Variants in DPF3 observed in about 807,000 individuals in gnomAD.
The protein encoded by DPF3 is zinc finger protein DPF3.
A neutral mutation model predicts 56.8 loss-of-function variants in DPF3; 18 were observed. That is an observed-to-expected ratio of 0.32 (90% CI 0.22 to 0.47). The LOEUF (loss-of-function observed/expected upper bound fraction) is 0.47, where lower values mean the gene tolerates loss of function less well. Ranked by LOEUF, DPF3 falls within the 20% of genes least tolerant of loss-of-function variation. The pLI, the probability that DPF3 is intolerant of heterozygous loss-of-function variation, is 1.00. For synonymous variants in DPF3, 188 were observed against 180.2 expected, an observed-to-expected ratio of 1.04 and a Z score of -0.35; for missense variants, 403 against 488.8, an observed-to-expected ratio of 0.82 and a Z score of 1.65.
chr14:72,833,396 G>T (rs1884144957), intron 1 of DPF3, among the ~76,000 whole-genome samples: 1 of 152,208 alleles, frequency 6.6e-6, no homozygotes, highest in Non-Finnish European at 1.5e-5. Flanking sequence ...TGAACGTGTT[G>T]AGGTCCTGGT....
At chr14:72,741,062 A>G (rs1219224984) in intron 3 of DPF3, among the ~76,000 whole-genome samples, 1 of 151,974 alleles carries the variant, frequency 6.6e-6, no homozygotes. Context: ...TAAATAAAAT[A>G]AAATGAATAG....
chr14:72,857,896 T>G (rs1455997090), intron 1 of DPF3, among the ~76,000 whole-genome samples: 1 of 151,842 alleles, frequency 6.6e-6, no homozygotes, highest in African/African-American at 2.4e-5. Flanking sequence ...CTGCAAGGAG[T>G]TCGTTATGCA....
intron 8 of DPF3, among the ~76,000 whole-genome samples, chr14:72,643,275 C>G (rs1053976774): frequency 6.6e-6 from 1 of 152,250 alleles, no homozygotes; most frequent in African/African-American, 2.4e-5. Flanking sequence ...CTGACTCTCT[C>G]CATGCCTCAG....
chr14:72,739,889 T>C (rs1179190179), intron 3 of DPF3, among the ~76,000 whole-genome samples: 2 of 152,240 alleles, frequency 1.3e-5, no homozygotes, highest in South Asian at 4.1e-4. Context: ...ATAGAATTTA[T>C]ATTCTAGCAA....
At chr14:72,695,739 A>G (rs1266969737) in intron 6 of DPF3, among the ~76,000 whole-genome samples, 1 of 152,132 alleles carries the variant, frequency 6.6e-6, no homozygotes, top group African/African-American at 2.4e-5. Flanking sequence ...AAACCTACCT[A>G]TTGGGTACTA....
chr14:72,665,099 G>T (rs1452293630), intron 8 of DPF3, among the ~76,000 whole-genome samples: 1 of 152,124 alleles, frequency 6.6e-6, no homozygotes, highest in African/African-American at 2.4e-5. Flanking sequence ...TCCATCTGGA[G>T]CTCTTTGTTG....
At chr14:72,819,740 C>G (rs1046349293) in intron 1 of DPF3, among the ~76,000 whole-genome samples, 1 of 151,912 alleles carries the variant, frequency 6.6e-6, no homozygotes, top group Non-Finnish European at 1.5e-5. Flanking sequence ...AGTTCAAGAC[C>G]AGCCTGGGCA....
At chr14:72,792,626 T>C (rs1325454060) in intron 1 of DPF3, among the ~76,000 whole-genome samples, 1 of 151,978 alleles carries the variant, frequency 6.6e-6, no homozygotes, top group African/African-American at 2.4e-5. Context: ...TGGCCAGCTC[T>C]CAGTCCCCAG....
intron 1 of DPF3, among the ~76,000 whole-genome samples, chr14:72,818,998 A>G (rs899969466): frequency 9.2e-5 from 14 of 152,362 alleles, no homozygotes; most frequent in African/African-American, 3.4e-4. Flanking sequence ...TCCAGAATAT[A>G]TAAAGAACTC....
chr14:72,746,794 G>A (rs893434352), intron 3 of DPF3, among the ~76,000 whole-genome samples: 1 of 152,250 alleles, frequency 6.6e-6, no homozygotes, highest in Non-Finnish European at 1.5e-5. Flanking sequence ...CTTGGGCAGA[G>A]GCTGAAGAAG....
At chr14:72,889,681 G>A (rs1665399117) in intron 1 of DPF3, among the ~76,000 whole-genome samples, 1 of 152,142 alleles carries the variant, frequency 6.6e-6, no homozygotes, top group Admixed American at 6.5e-5. Flanking sequence ...AACCACTTTA[G>A]ATTAGAATAC....
chr14:72,824,667 A>C (rs1462935380), intron 1 of DPF3, among the ~76,000 whole-genome samples: 1 of 150,964 alleles, frequency 6.6e-6, no homozygotes, highest in Admixed American at 6.6e-5. Flanking sequence ...TCCCGGGTTC[A>C]GTTCAAGCCC....
intron 1 of DPF3, among the ~76,000 whole-genome samples, chr14:72,887,154 C>G (rs1886579778): frequency 3.7e-5 from 1 of 27,254 alleles, no homozygotes; most frequent in African/African-American, 1.0e-4. Context: ...TGCCTCCAAA[C>G]ACACACACAC....
intron 9 of DPF3, among the ~76,000 whole-genome samples, chr14:72,621,552 C>G (rs1300641661): frequency 6.6e-6 from 1 of 152,154 alleles, no homozygotes; most frequent in Non-Finnish European, 1.5e-5. Context: ...AGTGGGGCAA[C>G]AGGAAAGCTT....
intron 1 of DPF3, among the ~76,000 whole-genome samples, chr14:72,863,027 A>G (rs1030282007): frequency 2.7e-5 from 4 of 149,194 alleles, no homozygotes; most frequent in Middle Eastern, 3.6e-3. Flanking sequence ...AGGAAAAATT[A>G]CAGAATCTCC....
intron 6 of DPF3, among the ~76,000 whole-genome samples, chr14:72,697,179 C>T (rs1311698126): frequency 1.3e-5 from 2 of 152,212 alleles, no homozygotes; most frequent in Non-Finnish European, 2.9e-5. Context: ...TGTACCATGT[C>T]ATTCTTCTAT....
At chr14:72,659,786 G>T (rs4903042) in intron 8 of DPF3, among the ~76,000 whole-genome samples, 5,510 of 152,216 alleles carry the variant, frequency 0.036, 259 homozygotes, top group African/African-American at 0.087. Flanking sequence ...AATAAATATG[G>T]GAAACTTCAT....
chr14:72,643,569 C>A (rs971538332), intron 8 of DPF3, among the ~76,000 whole-genome samples: 4 of 152,230 alleles, frequency 2.6e-5, no homozygotes, highest in Admixed American at 2.0e-4. Flanking sequence ...GACAGAAGCT[C>A]CTCAGCCCCT....
Position 72,618,176 on chromosome 14 carries a change from T to C in DPF3, c.*1121A>G, listed in dbSNP as rs944832812. Among the ~76,000 whole-genome samples the C allele has an allele frequency of 6.6e-6, 1 of 152,194 alleles. No individual in the cohort carries two copies. Among genetic ancestry groups the C allele is most frequent in the Non-Finnish European group, 1.5e-5 (1 of 68,030 alleles). On this transcript the variant is annotated 3_prime_UTR_variant, in exon 11 of 11. Transcript: ENST00000556509. ...GTCGTGAATAATGACCATGTCACCC[T>C]AATTATTTGTTTAGATAACAATCTT...
Sources: gnomAD v4.1 joint callset for allele counts (sites outside exome capture counted in the v4.1 genomes callset) on GRCh38, gnomAD v4.1.1 for gene constraint, MANE v1.5 for transcripts, NCBI Gene and HGNC (gene_info 2026-07-23, HGNC 2026-07-21) for gene names.